PRKCSH: variants seen among roughly 807,000 people sequenced by gnomAD.
The protein encoded by PRKCSH is glucosidase 2 subunit beta.
Under a neutral mutation model 79.7 loss-of-function variants are expected in PRKCSH, and 42 were observed. The ratio of observed to expected loss-of-function variants is 0.53; its 90% CI spans 0.41 to 0.68. The LOEUF (loss-of-function observed/expected upper bound fraction) is 0.68, where lower values mean the gene tolerates loss of function less well. Among genes scored for constraint, PRKCSH ranks in the 30% least tolerant of loss-of-function variants. The probability of loss-of-function intolerance (pLI) is 0.00; values close to 1 mark genes in which losing one functional copy is unlikely to be tolerated. For synonymous variants in PRKCSH, 325 were observed against 288.2 expected (o/e 1.13, Z -1.29); for missense variants, 686 against 709.0 (o/e 0.97, Z 0.37).
Position 11,449,083 on chromosome 19 carries a change from G to A in PRKCSH, c.1369G>A (p.Gly457Ser), listed in dbSNP as rs761355123. Residue 457 changes from glycine to serine, a missense_variant, in exon 16 of 18, where the codon GGC becomes AGC. Around this residue, in one of 2 missense-constraint regions of PRKCSH, gnomAD observed 137 missense variants for 188.8 expected, o/e 0.73. Coordinates refer to ENST00000677123, the MANE Select transcript of PRKCSH (RefSeq NM_001289104.2). This position sits in a 1 kb window ranked among gnomAD's most constrained non-coding sequence, Gnocchi z 6.4. ...GGSPTSLGTW[G>S]SWIGPDHDKF... is the part of the protein sequence containing the mutation. ...ACCCTGTGTCTCTCACAGCACCTGG[G>A]GCTCATGGATTGGCCCCGACCACGA... The A allele has an allele frequency of 6.2e-7, 1 of 1,613,470 alleles. No individual in the cohort carries two copies. Among genetic ancestry groups the A allele is most frequent in the Admixed American group, 1.7e-5 (1 of 60,018 alleles).
intron 8 of PRKCSH, 126 bp downstream of exon 8, chr19:11,445,599 C>A: frequency 1.1e-6 from 1 of 951,408 alleles, no homozygotes; most frequent in Non-Finnish European, 1.6e-6. Context: ...CAGGCTGATC[C>A]CAAGCCCCGT....
At chr19:11,438,229 CTCTG>C (rs1271317006) in intron 5 of PRKCSH, 105 bp downstream of exon 5, 36 of 1,278,332 alleles carry the variant, frequency 2.8e-5, no homozygotes, top group African/African-American at 4.4e-5. Context: ...GTATCGGGTT[CTCTG>C]TCTGTGCCAG....
Position 11,448,638 on chromosome 19 carries a change from C to T in PRKCSH, c.1286+9C>T. 6.2e-7 allele frequency: 1 copy of T among 1,613,096 alleles called. No individual in the cohort carries two copies. Among genetic ancestry groups the T allele is most frequent in the East Asian group, 2.2e-5 (1 of 44,874 alleles). On this transcript the variant is annotated intron_variant, in intron 14 of 17. Coordinates refer to ENST00000677123, the MANE Select transcript of PRKCSH (RefSeq NM_001289104.2). The surrounding 1 kb of genome is among the most constrained non-coding windows in gnomAD (Gnocchi z 4.4). ...GAGCTCACCACCAACGAGTGCGTCCCAGGAATGCAGGGGCCCCCACTGGCA... is the reference window on the plus strand; with the variant it reads ...GAGCTCACCACCAACGAGTGCGTCCTAGGAATGCAGGGGCCCCCACTGGCA...
Position 11,448,035 on chromosome 19 carries a change from G to T in PRKCSH, c.1127-187G>T, listed in dbSNP as rs1485033159. 2.6e-6 allele frequency: 2 copies of T among 770,172 alleles called. No homozygotes were observed. Among genetic ancestry groups the T allele is most frequent in the African/African-American group, 3.5e-5 (2 of 57,648 alleles). The allele number at this position is 770,172 out of a possible 1,614,324, so 47.7% of individuals were successfully genotyped here. Reference sequence around the variant, plus strand: ...GTCACTCCTGGCCCCACTCGCTCAGGAGCTGGGAGCCTGGGCAGCAAGTCG... The same window carrying T: ...GTCACTCCTGGCCCCACTCGCTCAGTAGCTGGGAGCCTGGGCAGCAAGTCG... On this transcript the variant is annotated intron_variant, in intron 12 of 17. Transcript: ENST00000677123. This position sits in a 1 kb window ranked among gnomAD's most constrained non-coding sequence, Gnocchi z 4.4.
chr19:11,439,674 G>A (rs1045839815), intron 5 of PRKCSH, among the ~76,000 whole-genome samples: 2 of 137,524 alleles, frequency 1.5e-5, no homozygotes, highest in Non-Finnish European at 3.0e-5. Flanking sequence ...TGGATGGAGT[G>A]CAGTGGCGCG....
intron 5 of PRKCSH, among the ~76,000 whole-genome samples, chr19:11,439,605 CTTTTTTTTTTTTT>C (rs758607686): frequency 1.2e-4 from 8 of 68,834 alleles, no homozygotes; most frequent in Non-Finnish European, 2.0e-4. Flanking sequence ...TTTTTCTTTT[CTTTTTTTTTTTTT>C]TTTTTTTTTT....
chr19:11,450,405 A>G (rs1282762936), intron 17 of PRKCSH: 1 of 151,904 alleles, frequency 6.6e-6, no homozygotes, highest in Non-Finnish European at 1.5e-5. Context: ...TGAACCCAGG[A>G]GGTAGAGGTT....
Position 11,448,200 on chromosome 19 carries a change from T to A in PRKCSH, c.1127-22T>A. 1 of 1,551,134 alleles carries A rather than the reference T, an allele frequency of 6.4e-7. No individual in the cohort carries two copies. Among genetic ancestry groups the A allele is most frequent in the Non-Finnish European group, 8.7e-7 (1 of 1,146,188 alleles). On this transcript the variant is annotated intron_variant, in intron 12 of 17. Coordinates refer to ENST00000677123, the MANE Select transcript of PRKCSH (RefSeq NM_001289104.2). This position sits in a 1 kb window ranked among gnomAD's most constrained non-coding sequence, Gnocchi z 4.4. ...TCCTGGATGGGGTTGAGGACATCTC[T>A]GACCTCCAACCCCTCTCCCAGCTGC... is the stretch of plus-strand genomic sequence containing the variant.
intron 6 of PRKCSH, 135 bp from the exon 7 acceptor site, chr19:11,442,251 C>G (rs371730022): frequency 5.3e-6 from 7 of 1,323,594 alleles, no homozygotes; most frequent in Non-Finnish European, 7.3e-6. Context: ...AACCCCAGCT[C>G]GGGAGAGAGA....
intron 6 of PRKCSH, 126 bp from the exon 7 acceptor site, chr19:11,442,260 G>A: frequency 7.2e-7 from 1 of 1,389,722 alleles, no homozygotes; most frequent in Non-Finnish European, 9.8e-7. Context: ...TCGGGAGAGA[G>A]ACCCAGCTTG....
Position 11,438,680 on chromosome 19 carries a change from G to A in PRKCSH, c.350+556G>A, listed in dbSNP as rs185075067. 1.1e-4 allele frequency among the ~76,000 whole-genome samples: 17 copies of A among 151,460 alleles called. 1 individual carries two copies. Among genetic ancestry groups the A allele is most frequent in the East Asian group, 9.9e-4 (5 of 5,056 alleles). ...TGAGGCAGGTGAGTGGCGTGAACAC[G>A]GGAGGCAGAGGTTGCAGTGAGCCGA... On this transcript the variant is annotated intron_variant, in intron 5 of 17. Coordinates refer to ENST00000677123, the MANE Select transcript of PRKCSH (RefSeq NM_001289104.2).
chr19:11,448,780 GGGCCAGGTTTAGGGTT>G lies in PRKCSH; in HGVS notation c.1287-131_1287-116del. On this transcript the variant is annotated intron_variant, in intron 14 of 17. Coordinates refer to ENST00000677123, the MANE Select transcript of PRKCSH (RefSeq NM_001289104.2). The surrounding 1 kb of genome is among the most constrained non-coding windows in gnomAD (Gnocchi z 4.4). Reference sequence around the variant, plus strand: ...CATATTGAGGGGGAGCAGAAGCCAGGGGCCAGGTTTAGGGTTGGTCATTGGAGTTGGAGGTACCCTG... The same window carrying G: ...CATATTGAGGGGGAGCAGAAGCCAGGGGTCATTGGAGTTGGAGGTACCCTG... 1 of 1,349,814 alleles carries G rather than the reference GGGCCAGGTTTAGGGTT, an allele frequency of 7.4e-7. No homozygotes were observed. Among genetic ancestry groups the G allele is most frequent in the Admixed American group, 1.7e-5 (1 of 58,322 alleles). 83.6% of individuals were successfully genotyped at this position (1,349,814 alleles called of 1,614,324 possible).
chr19:11,438,252 T>G, intron 5 of PRKCSH, 128 bp downstream of exon 5: 1 of 1,026,486 alleles, frequency 9.7e-7, no homozygotes, highest in Non-Finnish European at 1.5e-6. Context: ...AGGTGCCTTG[T>G]GAATCCTAAT....
chr19:11,448,750 C>A lies in PRKCSH; in HGVS notation c.1286+121C>A, dbSNP rs926255884. 24 of 1,315,694 alleles carry A rather than the reference C, an allele frequency of 1.8e-5. No homozygotes were observed. Among genetic ancestry groups the A allele is most frequent in the Non-Finnish European group, 2.3e-5 (21 of 915,682 alleles). 81.5% of individuals were successfully genotyped at this position (1,315,694 alleles called of 1,614,324 possible). A position where few individuals can be genotyped will look rare whatever the true frequency, so the allele number is the denominator to read the frequency against. ...CTGCGGGTGGGGCCCGAGAGTGCTGCCTTCCATATTGAGGGGGAGCAGAAG... is the reference window on the plus strand; with the variant it reads ...CTGCGGGTGGGGCCCGAGAGTGCTGACTTCCATATTGAGGGGGAGCAGAAG... On this transcript the variant is annotated intron_variant, in intron 14 of 17. Transcript: ENST00000677123. This position sits in a 1 kb window ranked among gnomAD's most constrained non-coding sequence, Gnocchi z 4.4.
At position 11,441,361 on chromosome 19, in the gene PRKCSH, A is replaced by G; in HGVS notation, c.468+4A>G. The stretch of plus-strand genomic sequence containing the variant: ...GAAGGCACGGGAGGAGAAGCAGGTA[A>G]GGAACCCGCGGGGGCTGCCCCAGGG... On this transcript the variant is annotated splice_donor_region_variant and intron_variant, in intron 6 of 17. Transcript: ENST00000677123. 6.2e-7 allele frequency: 1 copy of G among 1,613,610 alleles called. No homozygotes were observed. The highest frequency in any genetic ancestry group is 8.5e-7 in the Non-Finnish European group (1 of 1,179,702).
chr19:11,436,680 T>C (rs554624318), intron 3 of PRKCSH, 175 bp downstream of exon 3: 7 of 631,596 alleles, frequency 1.1e-5, no homozygotes, highest in Middle Eastern at 4.2e-4. Context: ...CCCAGAGTCG[T>C]CCTCCTCCCA....
chr19:11,443,004 G>A (rs373329555), intron 7 of PRKCSH, among the ~76,000 whole-genome samples: 11 of 151,242 alleles, frequency 7.3e-5, no homozygotes, highest in African/African-American at 2.4e-4. Flanking sequence ...TCGCCCGGCC[G>A]CCTACTTCCT....
intron 3 of PRKCSH, chr19:11,436,808 C>T: frequency 2.5e-6 from 1 of 406,468 alleles, no homozygotes; most frequent in South Asian, 2.1e-5. Context: ...CAGGGTGGGG[C>T]CAAGAGCAAT....
At chr19:11,435,845 G>C (rs1969695474) in intron 1 of PRKCSH, 139 bp downstream of exon 1, 5 of 1,216,330 alleles carry the variant, frequency 4.1e-6, no homozygotes, top group Admixed American at 4.7e-5. Flanking sequence ...TTGGGCACAG[G>C]GAGCGGAGGT....
Sources: gnomAD v4.1 joint callset for allele counts (sites outside exome capture counted in the v4.1 genomes callset) on GRCh38, gnomAD v4.1.1 for gene constraint, gnomAD v4.1.1 regional missense constraint, Gnocchi (gnomAD v3.1) non-coding constraint, MANE v1.5 for transcripts, NCBI Gene and HGNC (gene_info 2026-07-23, HGNC 2026-07-21) for gene names.